Variants in MARCHF4 observed in about 807,000 individuals in gnomAD.
MARCHF4 encodes membrane associated ring-CH-type finger 4.
Under a neutral mutation model 43.9 loss-of-function variants are expected in MARCHF4, and 14 were observed. The observed-to-expected ratio is 0.32, with a 90% CI of 0.21 to 0.50. The LOEUF is 0.50. Ranked by LOEUF, MARCHF4 falls within the 20% of genes least tolerant of loss-of-function variation. The pLI, the probability that MARCHF4 is intolerant of heterozygous loss-of-function variation, is 0.98. For missense variants in MARCHF4, 468 were observed against 536.7 expected (o/e 0.87, Z 1.27); for synonymous variants, 226 against 213.3 (o/e 1.06, Z -0.52).
intron 1 of MARCHF4, among the ~76,000 whole-genome samples, chr2:216,360,584 G>A (rs1284412479): frequency 2.0e-5 from 3 of 152,158 alleles, no homozygotes; most frequent in Non-Finnish European, 4.4e-5. Flanking sequence ...ATATTTTGCC[G>A]GGAGATCGGG....
At chr2:216,342,857 G>T (rs149738714) in intron 1 of MARCHF4, among the ~76,000 whole-genome samples, 2 of 152,188 alleles carry the variant, frequency 1.3e-5, no homozygotes, top group Non-Finnish European at 2.9e-5. Flanking sequence ...CAGGCCCTGG[G>T]TGGGGCCACC....
intron 1 of MARCHF4, among the ~76,000 whole-genome samples, chr2:216,293,982 C>A (rs1446172102): frequency 0.094 from 9,366 of 99,816 alleles, 2,091 homozygotes; most frequent in Non-Finnish European, 0.16. Context: ...TCATTACCAT[C>A]ACCATTGTTA....
chr2:216,285,109 G>A (rs1473129374), intron 1 of MARCHF4, among the ~76,000 whole-genome samples: 3 of 152,152 alleles, frequency 2.0e-5, no homozygotes, highest in East Asian at 1.9e-4. Flanking sequence ...CCAGTGCCAA[G>A]CCCTAAATAA....
chr2:216,263,564 G>C (rs189931418), intron 3 of MARCHF4, among the ~76,000 whole-genome samples: 29 of 150,710 alleles, frequency 1.9e-4, no homozygotes, highest in African/African-American at 6.9e-4. Context: ...AGAAGAAAAA[G>C]AAAGAAAGAA....
At chr2:216,265,143 G>C (rs1187240360) in intron 3 of MARCHF4, among the ~76,000 whole-genome samples, 4 of 152,202 alleles carry the variant, frequency 2.6e-5, no homozygotes, top group South Asian at 2.1e-4. Context: ...AAGAAAGGCT[G>C]CTGGTGAACA....
At chr2:216,268,975 G>A (rs957836135) in intron 3 of MARCHF4, among the ~76,000 whole-genome samples, 3 of 152,036 alleles carry the variant, frequency 2.0e-5, no homozygotes. Context: ...GAGGACAGGG[G>A]CCAGGCATCT....
chr2:216,357,580 C>A (rs919989236), intron 1 of MARCHF4, among the ~76,000 whole-genome samples: 3 of 152,224 alleles, frequency 2.0e-5, no homozygotes, highest in African/African-American at 7.2e-5. Context: ...CTTAGTCAGC[C>A]AAAGGGCTGG....
Position 216,370,281 on chromosome 2 carries a change from G to A in MARCHF4, c.-21C>T. ...AGCATGTGCCCCGTGGAAGTAGAGA[G>A]CCCAAGAGGGGTGGCTGGAGTCTTA... On this transcript the variant is annotated 5_prime_UTR_variant, in exon 1 of 4. Transcript: ENST00000273067. The A allele has an allele frequency of 6.4e-7, 1 of 1,570,012 alleles. No individual in the cohort carries two copies.
At chr2:216,322,151 G>A (rs923591392) in intron 1 of MARCHF4, among the ~76,000 whole-genome samples, 1 of 152,226 alleles carries the variant, frequency 6.6e-6, no homozygotes, top group Non-Finnish European at 1.5e-5. Flanking sequence ...GTCTACAGAA[G>A]TCCAAGGTGG....
chr2:216,366,951 C>T (rs1692675816), intron 1 of MARCHF4, among the ~76,000 whole-genome samples: 2 of 152,190 alleles, frequency 1.3e-5, no homozygotes, highest in African/African-American at 2.4e-5. Flanking sequence ...TAAACGCATG[C>T]ACCAATGAAT....
intron 1 of MARCHF4, among the ~76,000 whole-genome samples, chr2:216,330,632 G>T (rs1307893949): frequency 1.3e-5 from 2 of 152,052 alleles, no homozygotes; most frequent in African/African-American, 4.8e-5. Context: ...CAAAAACCAA[G>T]TTCTAAGAAA....
chr2:216,279,218 C>A (rs1559088173), intron 2 of MARCHF4, among the ~76,000 whole-genome samples: 2 of 152,054 alleles, frequency 1.3e-5, no homozygotes, highest in Non-Finnish European at 2.9e-5. Flanking sequence ...AGACTGCTCC[C>A]GGCAGAGGGA....
chr2:216,315,818 T>G (rs950097767), intron 1 of MARCHF4, among the ~76,000 whole-genome samples: 1 of 152,214 alleles, frequency 6.6e-6, no homozygotes, highest in Non-Finnish European at 1.5e-5. Flanking sequence ...CCGTTTATAC[T>G]AAGAAAAAAT....
chr2:216,356,649 G>A (rs1362275411), intron 1 of MARCHF4, among the ~76,000 whole-genome samples: 1 of 152,172 alleles, frequency 6.6e-6, no homozygotes, highest in African/African-American at 2.4e-5. Context: ...ATTATTCCAA[G>A]TCTGAAAAGC....
intron 2 of MARCHF4, among the ~76,000 whole-genome samples, chr2:216,278,989 G>C (rs1021240654): frequency 6.6e-6 from 1 of 152,166 alleles, no homozygotes; most frequent in Non-Finnish European, 1.5e-5. Context: ...CTAGGTGTTG[G>C]CAATGAAGCC....
In MARCHF4 at chr2:216,306,477, G is replaced by A. The variant is rs116546564; in HGVS notation, c.517-22748C>T. On this transcript the variant is annotated intron_variant, in intron 1 of 3. Transcript: ENST00000273067. The stretch of plus-strand genomic sequence containing the variant: ...TCTATTTTTTTCTAGATCAAAGTTT[G>A]CAGATCTGAATTTTGTCAAGACATT... Among the ~76,000 whole-genome samples the A allele has an allele frequency of 1.1e-3, 161 of 152,198 alleles. 1 individual carries two copies. Among genetic ancestry groups the A allele is most frequent in the African/African-American group, 3.4e-3 (140 of 41,542 alleles).
chr2:216,323,660 C>T (rs1312584239), intron 1 of MARCHF4, among the ~76,000 whole-genome samples: 1 of 152,150 alleles, frequency 6.6e-6, no homozygotes, highest in Non-Finnish European at 1.5e-5. Context: ...TTAAGAAACT[C>T]ACTCAAAACC....
chr2:216,290,513 A>T (rs961260858), intron 1 of MARCHF4, among the ~76,000 whole-genome samples: 1 of 152,206 alleles, frequency 6.6e-6, no homozygotes, highest in Non-Finnish European at 1.5e-5. Flanking sequence ...AGGACTTGGC[A>T]TTTGTGAGTG....
chr2:216,279,857 A>T (rs1691099842), intron 2 of MARCHF4, among the ~76,000 whole-genome samples: 3 of 152,184 alleles, frequency 2.0e-5, no homozygotes, highest in Admixed American at 2.0e-4. Flanking sequence ...CATGCACAAC[A>T]AATGCTTTTT....
Sources: gnomAD v4.1 joint callset for allele counts (sites outside exome capture counted in the v4.1 genomes callset) on GRCh38, gnomAD v4.1.1 for gene constraint, MANE v1.5 for transcripts, NCBI Gene and HGNC (gene_info 2026-07-23, HGNC 2026-07-21) for gene names.